The following NAALADL2 variants were observed in gnomAD, a reference collection of about 807,000 sequenced individuals.
The protein encoded by NAALADL2 is N-acetylated alpha-linked acidic dipeptidase like 2, also known as inactive N-acetylated-alpha-linked acidic dipeptidase-like protein 2.
Under a neutral mutation model 87.2 loss-of-function variants are expected in NAALADL2, and 76 were observed. The observed-to-expected ratio is 0.87, with a 90% CI of 0.72 to 1.05. NAALADL2 has a LOEUF of 1.05. Ranked by LOEUF, NAALADL2 falls within the 50% of genes least tolerant of loss-of-function variation. The probability of loss-of-function intolerance (pLI) is 0.00; values close to 1 mark genes in which losing one functional copy is unlikely to be tolerated. For synonymous variants in NAALADL2, 354 were observed against 331.0 expected, an observed-to-expected ratio of 1.07 and a Z score of -0.75; for missense variants, 1,089 against 945.8, an observed-to-expected ratio of 1.15 and a Z score of -1.99.
chr3:174,986,743 A>T (rs1390048783), intron 1 of NAALADL2, among the ~76,000 whole-genome samples: 2 of 152,180 alleles, frequency 1.3e-5, no homozygotes, highest in Non-Finnish European at 1.5e-5. Context: ...TGATAACTTC[A>T]TGAATATTGG....
intron 5 of NAALADL2, among the ~76,000 whole-genome samples, chr3:175,383,122 A>G (rs1767976818): frequency 6.6e-6 from 1 of 152,082 alleles, no homozygotes; most frequent in Non-Finnish European, 1.5e-5. Flanking sequence ...ATGTGTAATG[A>G]TCACATAAGA....
At chr3:174,479,258 C>G (rs1717410375) in intron 1 of NAALADL2, among the ~76,000 whole-genome samples, 1 of 152,070 alleles carries the variant, frequency 6.6e-6, no homozygotes, top group African/African-American at 2.4e-5. Flanking sequence ...AGCCTCAACT[C>G]TAAATGAATG....
chr3:175,073,968 A>G (rs1158133712), intron 1 of NAALADL2, among the ~76,000 whole-genome samples: 1 of 152,022 alleles, frequency 6.6e-6, no homozygotes, highest in Non-Finnish European at 1.5e-5. Context: ...TCCATGCACC[A>G]TCTCACACAC....
intron 3 of NAALADL2, among the ~76,000 whole-genome samples, chr3:174,804,095 TC>T (rs1281223293): frequency 6.6e-6 from 1 of 152,078 alleles, no homozygotes; most frequent in Non-Finnish European, 1.5e-5. Context: ...TTCTTCCTAT[TC>T]ATGAGCATGG....
chr3:174,700,899 C>T (rs1729483801), intron 2 of NAALADL2, among the ~76,000 whole-genome samples: 1 of 152,106 alleles, frequency 6.6e-6, no homozygotes, highest in African/African-American at 2.4e-5. Context: ...CTAACAAAGG[C>T]TCAGCAAGTG....
chr3:175,792,619 T>C (rs1317155088), intron 13 of NAALADL2, among the ~76,000 whole-genome samples: 5 of 152,208 alleles, frequency 3.3e-5, no homozygotes, highest in African/African-American at 7.2e-5. Flanking sequence ...TAAAAGAGAA[T>C]GTCTATGTGT....
At chr3:174,758,429 G>A (rs532221943) in intron 3 of NAALADL2, among the ~76,000 whole-genome samples, 4 of 152,138 alleles carry the variant, frequency 2.6e-5, no homozygotes, top group East Asian at 3.9e-4. Flanking sequence ...ATTCTCTTTC[G>A]TCCCTTAAAT....
At chr3:175,728,174 G>C (rs896906145) in intron 11 of NAALADL2, among the ~76,000 whole-genome samples, 2 of 152,050 alleles carry the variant, frequency 1.3e-5, no homozygotes, top group Admixed American at 1.3e-4. Context: ...AGACAAACAG[G>C]TCTGTTTTTT....
intron 2 of NAALADL2, among the ~76,000 whole-genome samples, chr3:174,666,827 C>T (rs1321617939): frequency 6.6e-6 from 1 of 152,110 alleles, no homozygotes; most frequent in Non-Finnish European, 1.5e-5. Context: ...CATTGAACAA[C>T]AACTTTCATT....
intron 1 of NAALADL2, among the ~76,000 whole-genome samples, chr3:174,541,198 C>G (rs1457826786): frequency 1.3e-5 from 2 of 152,162 alleles, no homozygotes; most frequent in Admixed American, 1.3e-4. Flanking sequence ...CCCTTTCTCT[C>G]AATACCTATT....
At chr3:175,686,848 C>T (rs1349134327) in intron 11 of NAALADL2, among the ~76,000 whole-genome samples, 2 of 152,076 alleles carry the variant, frequency 1.3e-5, no homozygotes, top group Non-Finnish European at 2.9e-5. Context: ...CATGAAAAAA[C>T]AGTGGTGAAA....
Position 174,705,433 on chromosome 3 carries a change from TAC to T in NAALADL2, c.-114-32204_-114-32203del, listed in dbSNP as rs1286806499. Among the ~76,000 whole-genome samples the T allele has an allele frequency of 8.5e-5, 13 of 152,318 alleles. No homozygotes were observed. The East Asian group carries it at 2.5e-3, about 29-fold the overall frequency. On this transcript the variant is annotated intron_variant, in intron 2 of 3. Coordinates refer to the NAALADL2 transcript ENST00000434257. The stretch of plus-strand genomic sequence containing the variant: ...TCAGTCCATGCATATAACTTATCAT[TAC>T]ACAGTTACAATATATTCCAGGACAC...
intron 4 of NAALADL2, among the ~76,000 whole-genome samples, chr3:175,274,647 C>A (rs1170504447): frequency 6.6e-6 from 1 of 152,082 alleles, no homozygotes; most frequent in East Asian, 1.9e-4. Flanking sequence ...GGTCTTTAAT[C>A]ATTGCTCAAC....
chr3:174,657,480 T>A (rs531656435), intron 2 of NAALADL2, among the ~76,000 whole-genome samples: 1 of 152,144 alleles, frequency 6.6e-6, no homozygotes, highest in South Asian at 2.1e-4. Context: ...TAAGACATCA[T>A]GTTTCGGAAA....
At chr3:175,504,959 AC>A (rs1730095391) in intron 9 of NAALADL2, among the ~76,000 whole-genome samples, 1 of 152,168 alleles carries the variant, frequency 6.6e-6, no homozygotes, top group African/African-American at 2.4e-5. Context: ...TAAGATTATT[AC>A]AAAAATGTTT....
intron 7 of NAALADL2, among the ~76,000 whole-genome samples, chr3:175,465,181 G>A (rs1027362256): frequency 6.6e-6 from 1 of 151,456 alleles, no homozygotes; most frequent in Admixed American, 6.6e-5. Context: ...GAACCCGGGA[G>A]GCGGAGCTTG....
At chr3:174,959,730 A>G (rs1741703981) in intron 1 of NAALADL2, among the ~76,000 whole-genome samples, 1 of 152,100 alleles carries the variant, frequency 6.6e-6, no homozygotes, top group Non-Finnish European at 1.5e-5. Flanking sequence ...AATTTCGGTT[A>G]TCACATGCCC....
At chr3:175,017,218 T>A (rs1750950661) in intron 1 of NAALADL2, among the ~76,000 whole-genome samples, 1 of 152,072 alleles carries the variant, frequency 6.6e-6, no homozygotes, top group Non-Finnish European at 1.5e-5. Context: ...CTTAATACCG[T>A]ATATCTTATA....
intron 1 of NAALADL2, among the ~76,000 whole-genome samples, chr3:174,935,361 A>C (rs1213574133): frequency 2.0e-5 from 3 of 152,194 alleles, no homozygotes; most frequent in Non-Finnish European, 4.4e-5. Flanking sequence ...TCATAATAAA[A>C]AATCCTGGTT....
Sources: allele counts gnomAD v4.1 joint callset (sites outside exome capture counted in the v4.1 genomes callset), GRCh38; gene constraint gnomAD v4.1.1; transcripts MANE v1.5; gene names NCBI Gene and HGNC (gene_info 2026-07-23, HGNC 2026-07-21).